The following AHCYL1 variants were observed in gnomAD, a reference collection of about 807,000 sequenced individuals.
AHCYL1 encodes the protein S-adenosylhomocysteine hydrolase-like protein 1.
AHCYL1 carries 20 observed loss-of-function variants against 79.3 expected under a neutral mutation model. The ratio of observed to expected loss-of-function variants is 0.25; its 90% CI spans 0.18 to 0.37. The LOEUF (loss-of-function observed/expected upper bound fraction) is 0.37, where lower values mean the gene tolerates loss of function less well. Ranked by LOEUF, AHCYL1 falls within the 10% of genes least tolerant of loss-of-function variation. The pLI is 1.00. For synonymous variants in AHCYL1, 223 were observed against 242.2 expected, an observed-to-expected ratio of 0.92 and a Z score of 0.74; for missense variants, 330 against 673.6, an observed-to-expected ratio of 0.49 and a Z score of 5.65.
intron 1 of AHCYL1, chr1:110,004,213 G>A: frequency 2.0e-6 from 2 of 985,666 alleles, no homozygotes; most frequent in Non-Finnish European, 2.4e-6. Context: ...AGTCGGCGGG[G>A]GAAGATATGT....
chr1:110,008,255 C>G (rs944718521), intron 1 of AHCYL1, among the ~76,000 whole-genome samples: 2 of 152,048 alleles, frequency 1.3e-5, no homozygotes, highest in Non-Finnish European at 2.9e-5. Flanking sequence ...CTCCTGACCT[C>G]GTGATCTACC....
At chr1:110,003,106 G>T (rs901206562) in intron 1 of AHCYL1, among the ~76,000 whole-genome samples, 1 of 152,192 alleles carries the variant, frequency 6.6e-6, no homozygotes, top group South Asian at 2.1e-4. Context: ...TGAGGAGACT[G>T]TTGGGATATA....
In AHCYL1 at chr1:110,004,555, G is replaced by C. The variant is rs1038362271; in HGVS notation, c.121-4479G>C. The stretch of plus-strand genomic sequence containing the variant: ...AGGTATTCAGACTTGTGTATTTCTT[G>C]TACCAAGGAGTGGGTGTTTATTGAT... On this transcript the variant is annotated intron_variant, in intron 1 of 16. Coordinates refer to ENST00000369799, the MANE Select transcript of AHCYL1 (RefSeq NM_006621.7). 14 of 915,340 alleles carry C rather than the reference G, an allele frequency of 1.5e-5. No homozygotes were observed. The African/African-American group carries it at 2.5e-4, about 16-fold the overall frequency. The allele number at this position is 915,340 out of a possible 1,614,324, so 56.7% of individuals were successfully genotyped here.
intron 2 of AHCYL1, among the ~76,000 whole-genome samples, chr1:110,009,444 AT>A (rs1420695721): frequency 2.6e-5 from 4 of 152,214 alleles, no homozygotes; most frequent in Non-Finnish European, 5.9e-5. Flanking sequence ...AAAGGAAGAA[AT>A]CAATGCTATT....
chr1:110,018,659 A>G lies in AHCYL1; in HGVS notation c.1317+9A>G. On this transcript the variant is annotated intron_variant, in intron 13 of 16. Transcript: ENST00000369799. ...TTGTCCTCCTGGCAGAGGTACACAC[A>G]GAGAAGGACCCTGGCAGAGCAGCAC... The G allele has an allele frequency of 6.2e-7, 1 of 1,610,960 alleles. No homozygotes were observed. Among genetic ancestry groups the G allele is most frequent in the Non-Finnish European group, 8.5e-7 (1 of 1,178,620 alleles).
At chr1:110,010,335 T>G (rs1043035889) in intron 2 of AHCYL1, among the ~76,000 whole-genome samples, 1 of 152,166 alleles carries the variant, frequency 6.6e-6, no homozygotes, top group Non-Finnish European at 1.5e-5. Context: ...TAGAAGTCAG[T>G]CAGTGAGAGA....
At chr1:110,011,929 C>T (rs1190133576) in intron 3 of AHCYL1, among the ~76,000 whole-genome samples, 2 of 152,126 alleles carry the variant, frequency 1.3e-5, no homozygotes, top group African/African-American at 4.8e-5. Context: ...AATAGAGAAA[C>T]CAAACAGACT....
At chr1:110,002,763 C>T (rs1349638926) in intron 1 of AHCYL1, among the ~76,000 whole-genome samples, 1 of 152,222 alleles carries the variant, frequency 6.6e-6, no homozygotes, top group African/African-American at 2.4e-5. Flanking sequence ...TCAATCTTAG[C>T]ATTGCTAATA....
At position 110,021,901 on chromosome 1, in the gene AHCYL1, C is replaced by G. The variant is rs1386043815; in HGVS notation, c.*221C>G. ...AGTTCAGGGTTCCTCACTCTAGTCA[C>G]TAAAGAAGGATTTTACTCTCCCAGC... On this transcript the variant is annotated 3_prime_UTR_variant, in exon 17 of 17. Transcript: ENST00000369799. 2 of 498,056 alleles carry G rather than the reference C, an allele frequency of 4.0e-6. No homozygotes were observed. The highest frequency in any genetic ancestry group is 4.0e-5 in the African/African-American group (2 of 50,000). The allele number at this position is 498,056 out of a possible 1,614,324, so 30.9% of individuals were successfully genotyped here. A position where few individuals can be genotyped will look rare whatever the true frequency, so the allele number is the denominator to read the frequency against.
intron 1 of AHCYL1, among the ~76,000 whole-genome samples, chr1:110,000,485 C>T (rs1200297307): frequency 5.3e-5 from 8 of 152,130 alleles, no homozygotes; most frequent in Admixed American, 6.5e-5. Context: ...TTGTTGGCAA[C>T]GTAAAAACAT....
In AHCYL1 at chr1:110,020,799, G is replaced by A. The variant is rs753588024; in HGVS notation, c.1534G>A (p.Ala512Thr). ...CCTTACAGAGCTGACAGATGACCAA[G>A]CAAAATATCTGGGACTCAACAAAAA... ...AHLTELTDDQ[A>T]KYLGLNKNGP... Residue 512 changes from alanine (A) to threonine (T), a missense_variant, in exon 16 of 17, where the codon GCA becomes ACA. Physicochemically the swap from Ala to Thr is moderately conservative, Grantham distance 58 (BLOSUM62 0). Transcript: ENST00000369799. 1 of 1,613,742 alleles carries A rather than the reference G, an allele frequency of 6.2e-7. No individual in the cohort carries two copies. The highest frequency in any genetic ancestry group is 1.1e-5 in the South Asian group (1 of 91,012).
At chr1:109,986,625 G>T (rs1025307030) in intron 1 of AHCYL1, among the ~76,000 whole-genome samples, 4 of 152,222 alleles carry the variant, frequency 2.6e-5, no homozygotes, top group African/African-American at 9.6e-5. Flanking sequence ...TTAGAGGAAA[G>T]AATGGGAAAG....
At chr1:110,001,758 G>GT (rs1399203031) in intron 1 of AHCYL1, among the ~76,000 whole-genome samples, 1 of 152,152 alleles carries the variant, frequency 6.6e-6, no homozygotes, top group Non-Finnish European at 1.5e-5. Context: ...ACCTTTTAAA[G>GT]TTTTGAGACA....
At chr1:110,002,001 A>C (rs965235130) in intron 1 of AHCYL1, among the ~76,000 whole-genome samples, 1 of 152,250 alleles carries the variant, frequency 6.6e-6, no homozygotes, top group African/African-American at 2.4e-5. Flanking sequence ...TTGGTGCGTA[A>C]TAACATTAGT....
intron 1 of AHCYL1, chr1:110,004,272 C>T (rs1650508664): frequency 1.0e-6 from 1 of 985,282 alleles, no homozygotes; most frequent in African/African-American, 1.7e-5. Context: ...AACTCAGGCC[C>T]CATCTGGGGA....
chr1:110,017,678 C>A, intron 10 of AHCYL1, 95 bp downstream of exon 10: 2 of 1,341,450 alleles, frequency 1.5e-6, no homozygotes, highest in South Asian at 1.3e-5. Flanking sequence ...TTGCAGAAAT[C>A]ACCTAGGGGA....
chr1:110,017,126 A>G (rs1319587650), intron 9 of AHCYL1, among the ~76,000 whole-genome samples: 1 of 152,232 alleles, frequency 6.6e-6, no homozygotes, highest in Non-Finnish European at 1.5e-5. Flanking sequence ...TGTTGTCTTC[A>G]GCAATGACCC....
In AHCYL1 at chr1:110,019,544, T is replaced by G. The variant is rs751490781; in HGVS notation, c.1387-4T>G. 44 of 1,600,444 alleles carry G rather than the reference T, an allele frequency of 2.7e-5. No individual in the cohort carries two copies. Among genetic ancestry groups the G allele is most frequent in the Non-Finnish European group, 7.7e-6 (9 of 1,176,410 alleles). The stretch of plus-strand genomic sequence containing the variant: ...TGCTTTCTGGCCTTCTTTTCCCACC[T>G]TAGGCTTTGGCACTGATAGAACTCT... On this transcript the variant is annotated splice_region_variant and splice_polypyrimidine_tract_variant and intron_variant, in intron 14 of 16. Transcript: ENST00000369799.
At chr1:109,998,754 A>T (rs910635907) in intron 1 of AHCYL1, among the ~76,000 whole-genome samples, 3 of 152,246 alleles carry the variant, frequency 2.0e-5, no homozygotes, top group African/African-American at 7.2e-5. Flanking sequence ...CTAGGACTAC[A>T]GGTGTGGGCC....
Sources: allele counts gnomAD v4.1 joint callset (sites outside exome capture counted in the v4.1 genomes callset), GRCh38; gene constraint gnomAD v4.1.1; transcripts MANE v1.5; gene names NCBI Gene and HGNC (gene_info 2026-07-23, HGNC 2026-07-21).